Variants in BRCA1 observed in about 807,000 individuals in gnomAD.
BRCA1 encodes breast cancer type 1 susceptibility protein.
BRCA1 carries 140 observed loss-of-function variants against 173.7 expected under a neutral mutation model. That is an observed-to-expected ratio of 0.81 (90% CI 0.70 to 0.93). The LOEUF (loss-of-function observed/expected upper bound fraction) is 0.93, where lower values mean the gene tolerates loss of function less well. Among genes scored for constraint, BRCA1 ranks in the 40% least tolerant of loss-of-function variants. BRCA1 has a pLI of 0.00. For missense variants in BRCA1, 1,983 were observed against 2,172.5 expected (o/e 0.91, Z 1.73); for synonymous variants, 662 against 756.0 (o/e 0.88, Z 2.04).
chr17:43,135,406 A>G (rs997498139), intron 1 of BRCA1, among the ~76,000 whole-genome samples: 9 of 152,182 alleles, frequency 5.9e-5, no homozygotes, highest in African/African-American at 1.9e-4. Flanking sequence ...CACCAATCCA[A>G]TGCATGCACC....
chr17:43,138,651 G>A, intron 1 of BRCA1: 2 of 776,366 alleles, frequency 2.6e-6, no homozygotes, highest in Admixed American at 1.7e-5. Context: ...ACCCCTTTCT[G>A]TGCAGGTGCT....
At position 43,045,292 on chromosome 17, in the gene BRCA1, G is replaced by A. The variant is rs758156788; in HGVS notation, c.*386C>T. 1 of 550,204 alleles carries A rather than the reference G, an allele frequency of 1.8e-6. No homozygotes were observed. The highest frequency in any genetic ancestry group is 1.5e-5 in the South Asian group (1 of 65,178). The allele number at this position is 550,204 out of a possible 1,614,324, so 34.1% of individuals were successfully genotyped here. A position where few individuals can be genotyped will look rare whatever the true frequency, so the allele number is the denominator to read the frequency against. ...ACAGGGTTTTAGAGAAGTAAACTTA[G>A]GGAAACCAGCTATTCTCTTGAGGCC... On this transcript the variant is annotated 3_prime_UTR_variant, in exon 23 of 23. Coordinates refer to ENST00000357654, the MANE Select transcript of BRCA1 (RefSeq NM_007294.4).
At chr17:43,139,451 G>A (rs2056057814) in intron 1 of BRCA1, among the ~76,000 whole-genome samples, 1 of 151,784 alleles carries the variant, frequency 6.6e-6, no homozygotes, top group Non-Finnish European at 1.5e-5. Flanking sequence ...CCGCCTCCCA[G>A]GTTTACGCCA....
intron 1 of BRCA1, among the ~76,000 whole-genome samples, chr17:43,135,905 C>T (rs1048015318): frequency 6.6e-6 from 1 of 152,238 alleles, no homozygotes; most frequent in Non-Finnish European, 1.5e-5. Context: ...GCCTCTCACA[C>T]CCTCAGCACC....
chr17:43,148,994 G>GC (rs2056141921), intron 1 of BRCA1, among the ~76,000 whole-genome samples: 1 of 152,076 alleles, frequency 6.6e-6, no homozygotes, highest in African/African-American at 2.4e-5. Flanking sequence ...CTAGGATACT[G>GC]CCCCCACACA....
intron 19 of BRCA1, among the ~76,000 whole-genome samples, chr17:43,054,009 T>C (rs1333031075): frequency 6.6e-6 from 1 of 152,128 alleles, no homozygotes; most frequent in South Asian, 2.1e-4. Flanking sequence ...CACCTCTACA[T>C]ATACATTTCT....
At chr17:43,133,972 T>C (rs1247607359) in intron 1 of BRCA1, among the ~76,000 whole-genome samples, 2 of 152,110 alleles carry the variant, frequency 1.3e-5, no homozygotes, top group Non-Finnish European at 2.9e-5. Flanking sequence ...CACCTCTGGG[T>C]GTACCCTCCC....
At chr17:43,100,108 C>A (rs2054318747) in intron 6 of BRCA1, among the ~76,000 whole-genome samples, 1 of 152,122 alleles carries the variant, frequency 6.6e-6, no homozygotes, top group African/African-American at 2.4e-5. Flanking sequence ...AGCAGGACTG[C>A]TTGAGGCCAG....
At chr17:43,123,788 C>T (rs907599726) in intron 2 of BRCA1, among the ~76,000 whole-genome samples, 1 of 152,166 alleles carries the variant, frequency 6.6e-6, no homozygotes, top group African/African-American at 2.4e-5. Context: ...CTTTCCCGGA[C>T]CACAGGATTT....
At chr17:43,099,960 T>C (rs2054313022) in intron 6 of BRCA1, 80 bp from the exon 7 acceptor site, 1 of 1,105,510 alleles carries the variant, frequency 9.0e-7, no homozygotes, top group Non-Finnish European at 1.4e-6. Flanking sequence ...CTTGACACCA[T>C]GGACAAAATA....
intron 7 of BRCA1, among the ~76,000 whole-genome samples, chr17:43,099,141 G>A (rs1247561345): frequency 6.6e-6 from 1 of 151,488 alleles, no homozygotes; most frequent in East Asian, 2.0e-4. Flanking sequence ...CTTCTTAAAA[G>A]GCTTCCTCAT....
At chr17:43,097,048 G>A (rs536008864) in intron 8 of BRCA1, among the ~76,000 whole-genome samples, 196 bp downstream of exon 8, 2 of 152,282 alleles carry the variant, frequency 1.3e-5, no homozygotes, top group East Asian at 3.9e-4. Flanking sequence ...TGTGGGGTAT[G>A]CTTAGTACCC....
chr17:43,082,274 G>C, intron 12 of BRCA1, 130 bp downstream of exon 12: 1 of 1,039,388 alleles, frequency 9.6e-7, no homozygotes, highest in Middle Eastern at 2.6e-4. Flanking sequence ...AAGAACCAAG[G>C]CTCCATAATT....
At chr17:43,065,308 AG>A (rs2153640929) in intron 16 of BRCA1, among the ~76,000 whole-genome samples, 1 of 152,280 alleles carries the variant, frequency 6.6e-6, no homozygotes, top group African/African-American at 2.4e-5. Context: ...CTAAGATCTT[AG>A]AAGTTCAACG....
At chr17:43,082,919 T>G (rs1332863460) in intron 11 of BRCA1, among the ~76,000 whole-genome samples, 1 of 152,184 alleles carries the variant, frequency 6.6e-6, no homozygotes, top group African/African-American at 2.4e-5. Context: ...TTAGCATGAA[T>G]CTGTTAACAT....
intron 3 of BRCA1, among the ~76,000 whole-genome samples, chr17:43,113,673 T>C (rs561391153): frequency 3.9e-5 from 6 of 152,302 alleles, no homozygotes; most frequent in Non-Finnish European, 8.8e-5. Flanking sequence ...GTCCTCTATT[T>C]TCTTTTATTT....
Position 43,093,304 on chromosome 17 carries a change from T to C in BRCA1, c.2227A>G (p.Asn743Asp), listed in dbSNP as rs1212635015. 1 of 1,614,050 alleles carries C rather than the reference T, an allele frequency of 6.2e-7. No homozygotes were observed. The highest frequency in any genetic ancestry group is 1.3e-5 in the African/African-American group (1 of 75,062). Residue 743 changes from asparagine (N) to aspartate (D), a missense_variant, in exon 10 of 23, where the codon AAT (asparagine) becomes GAT (aspartate). Coordinates refer to ENST00000357654, the MANE Select transcript of BRCA1 (RefSeq NM_007294.4). Reference protein sequence around the residue: ...EKLETVKVSNNAEDPKDLMLS... With the variant: ...EKLETVKVSNDAEDPKDLMLS... ...ATGAGATCTTTGGGGTCTTCAGCAT[T>C]ATTAGACACTTTAACTGTTTCTAGT...
At chr17:43,121,483 G>A (rs1379939640) in intron 2 of BRCA1, among the ~76,000 whole-genome samples, 3 of 151,886 alleles carry the variant, frequency 2.0e-5, no homozygotes, top group Non-Finnish European at 2.9e-5. Flanking sequence ...TCAGGAGTTC[G>A]AGACCAACCT....
intron 1 of BRCA1, chr17:43,131,077 T>G (rs544853931): frequency 5.1e-5 from 9 of 177,238 alleles, no homozygotes; most frequent in African/African-American, 1.2e-4. Context: ...GTGATGGTTG[T>G]TTGTTGTCTT....
Sources: allele counts gnomAD v4.1 joint callset (sites outside exome capture counted in the v4.1 genomes callset), GRCh38; gene constraint gnomAD v4.1.1; transcripts MANE v1.5; gene names NCBI Gene and HGNC (gene_info 2026-07-23, HGNC 2026-07-21).